Variants in HPSE2 observed in about 807,000 individuals in gnomAD.
HPSE2 encodes the protein inactive heparanase-2.
HPSE2 carries 38 observed loss-of-function variants against 60.5 expected under a neutral mutation model. The observed-to-expected ratio is 0.63, with a 90% CI of 0.48 to 0.82. The LOEUF (loss-of-function observed/expected upper bound fraction) is 0.82. Among genes scored for constraint, HPSE2 ranks in the 40% least tolerant of loss-of-function variants. The probability of loss-of-function intolerance (pLI) is 0.00; values close to 1 mark genes in which losing one functional copy is unlikely to be tolerated. For synonymous variants in HPSE2, 295 were observed against 293.2 expected, an observed-to-expected ratio of 1.01 and a Z score of -0.06; for missense variants, 713 against 740.4, an observed-to-expected ratio of 0.96 and a Z score of 0.43.
chr10:99,010,518 G>T (rs968755869), intron 3 of HPSE2, among the ~76,000 whole-genome samples: 1 of 152,170 alleles, frequency 6.6e-6, no homozygotes, highest in Non-Finnish European at 1.5e-5. Flanking sequence ...ATAAAGATAA[G>T]AACTTGTTTT....
rs923064058 is a variant in HPSE2, at chr10:98,700,255, T to C, written c.957-6308A>G. ...CTGACTTCAAACTATACTACAAGGCTACAGTAACCAAAACAGCATGGTACT... is the reference window on the plus strand; with the variant it reads ...CTGACTTCAAACTATACTACAAGGCCACAGTAACCAAAACAGCATGGTACT... On this transcript the variant is annotated intron_variant, in intron 5 of 11. Transcript: ENST00000370552. Among the ~76,000 whole-genome samples the C allele has an allele frequency of 3.4e-5, 5 of 147,884 alleles. No individual in the cohort carries two copies. The Admixed American group carries it at 3.4e-4, about 10-fold the overall frequency.
At chr10:98,495,089 A>G (rs1390916598) in intron 9 of HPSE2, among the ~76,000 whole-genome samples, 1 of 152,082 alleles carries the variant, frequency 6.6e-6, no homozygotes, top group East Asian at 1.9e-4. Context: ...AAAATCTCTC[A>G]GCTTTTCTTT....
At chr10:98,618,721 C>T (rs562467815) in intron 8 of HPSE2, among the ~76,000 whole-genome samples, 16 of 152,150 alleles carry the variant, frequency 1.1e-4, no homozygotes, top group African/African-American at 1.9e-4. Context: ...GGACTACAGG[C>T]GCATGCCACC....
chr10:98,582,949 G>A (rs1012037695), intron 9 of HPSE2, among the ~76,000 whole-genome samples: 3 of 151,906 alleles, frequency 2.0e-5, no homozygotes, highest in African/African-American at 7.3e-5. Context: ...GCAATCCCTG[G>A]CCCCAGGTAA....
At chr10:99,311,084 T>C in the HPSE2 span, among the ~76,000 whole-genome samples, 1 of 152,188 alleles carries the variant, frequency 6.6e-6, no homozygotes, top group African/African-American at 2.4e-5. Flanking sequence ...AATTCTCTGA[T>C]ACAAAAAAGT....
At chr10:99,057,212 T>G (rs1157603543) in intron 3 of HPSE2, among the ~76,000 whole-genome samples, 2 of 152,204 alleles carry the variant, frequency 1.3e-5, no homozygotes, top group African/African-American at 4.8e-5. Flanking sequence ...TTACTTCAAT[T>G]TTTTAAAGTT....
Position 98,649,972 on chromosome 10 carries a change from C to T in HPSE2, c.1005-8032G>A, listed in dbSNP as rs369561948. ...CAGGGTAAAGATAGTTTACTGACTA[C>T]CAAAATTTGAGCTTCCCTTCCATAG... On this transcript the variant is annotated intron_variant, in intron 6 of 11. Transcript: ENST00000370552. Among the ~76,000 whole-genome samples the T allele has an allele frequency of 7.6e-4, 116 of 152,304 alleles. 2 individuals are homozygous for T. The South Asian group carries it at 0.024, about 31-fold the overall frequency.
At chr10:99,153,765 G>A (rs1251096859) in intron 2 of HPSE2, among the ~76,000 whole-genome samples, 2 of 152,112 alleles carry the variant, frequency 1.3e-5, no homozygotes, top group East Asian at 1.9e-4. Context: ...TGACTTTGAC[G>A]AGCTGAGAGA....
At chr10:98,974,934 C>T (rs1183587280) in intron 3 of HPSE2, among the ~76,000 whole-genome samples, 1 of 152,070 alleles carries the variant, frequency 6.6e-6, no homozygotes, top group Admixed American at 6.6e-5. Context: ...AATGCTATTA[C>T]TTTTATTATT....
rs576143051 is a variant in HPSE2 at position 98,600,911 on chromosome 10, G to GTATATATGTGTGTGTGTATATA, written c.1320+13992_1320+13993insTATATACACACACACATATATA. 7.5e-3 allele frequency among the ~76,000 whole-genome samples: 552 copies of GTATATATGTGTGTGTGTATATA among 73,620 alleles called. 5 individuals are homozygous for GTATATATGTGTGTGTGTATATA. The highest frequency in any genetic ancestry group is 0.023 in the East Asian group (57 of 2,456). The allele number at this position is 73,620 out of a possible 152,430, so 48.3% of individuals were successfully genotyped here. Reference sequence around the variant, plus strand: ...TATATACGTATATATATGTGTGTGTGTATATATATATATATATATATATAT... The same window carrying GTATATATGTGTGTGTGTATATA: ...TATATACGTATATATATGTGTGTGTGTATATATGTGTGTGTGTATATATATATATATATATATATATATATAT... On this transcript the variant is annotated intron_variant, in intron 9 of 11. Coordinates refer to ENST00000370552, the MANE Select transcript of HPSE2 (RefSeq NM_021828.5).
chr10:99,005,032 C>T (rs1259342967), intron 3 of HPSE2, among the ~76,000 whole-genome samples: 2 of 152,168 alleles, frequency 1.3e-5, no homozygotes, highest in Non-Finnish European at 2.9e-5. Context: ...TTGGAACTCC[C>T]TTATATGTGA....
intron 2 of HPSE2, among the ~76,000 whole-genome samples, chr10:99,194,765 G>C (rs1032000794): frequency 6.6e-6 from 1 of 151,772 alleles, no homozygotes; most frequent in Non-Finnish European, 1.5e-5. Flanking sequence ...TTCCAGCAAA[G>C]AAAAGCCCAG....
rs530068444 is a variant in HPSE2 at position 98,696,829 on chromosome 10, T to G, written c.957-2882A>C. On this transcript the variant is annotated intron_variant, in intron 5 of 11. Coordinates refer to ENST00000370552, the MANE Select transcript of HPSE2 (RefSeq NM_021828.5). ...GGCAGCCATCTCTACAACTCCAGGCTGTGCTTTTCCCCTGCTGGAGCCATG... is the reference window on the plus strand; with the variant it reads ...GGCAGCCATCTCTACAACTCCAGGCGGTGCTTTTCCCCTGCTGGAGCCATG... Among the ~76,000 whole-genome samples the G allele has an allele frequency of 5.3e-5, 8 of 152,298 alleles. No homozygotes were observed. In the East Asian group the frequency reaches 1.5e-3, roughly 29 times the overall value.
intron 3 of HPSE2, among the ~76,000 whole-genome samples, chr10:98,794,852 C>CA (rs1381950310): frequency 1.3e-5 from 2 of 151,130 alleles, no homozygotes; most frequent in South Asian, 2.1e-4. Context: ...TAAACGATTG[C>CA]AAAAATATAA....
chr10:99,237,841 G>A (rs1849899695), upstream of HPSE2, among the ~76,000 whole-genome samples: 1 of 152,146 alleles, frequency 6.6e-6, no homozygotes, highest in South Asian at 2.1e-4. Context: ...CAGCCTGGCG[G>A]GCAAACACTT....
chr10:99,070,016 G>C (rs1024033232), intron 3 of HPSE2, among the ~76,000 whole-genome samples: 11 of 152,126 alleles, frequency 7.2e-5, no homozygotes, highest in Non-Finnish European at 1.5e-4. Context: ...CTGTTGTCCA[G>C]AGCAATTTAG....
intron 3 of HPSE2, among the ~76,000 whole-genome samples, chr10:99,028,110 T>C (rs977712603): frequency 1.3e-5 from 2 of 152,130 alleles, no homozygotes; most frequent in African/African-American, 4.8e-5. Context: ...ATAACCACTG[T>C]CACCACTGTT....
At position 98,709,160 on chromosome 10, in the gene HPSE2, C is replaced by T. The variant is rs529250335; in HGVS notation, c.956+12497G>A. Among the ~76,000 whole-genome samples, 4 of 152,202 alleles carry T rather than the reference C, an allele frequency of 2.6e-5. No individual in the cohort carries two copies. The South Asian group carries it at 8.3e-4, about 32-fold the overall frequency. On this transcript the variant is annotated intron_variant, in intron 5 of 11. Transcript: ENST00000370552. ...TCTGCCTGTTTCTCGGAAACTGGCC[C>T]AAACCACATAAATGAACAACTTCAA... is the stretch of plus-strand genomic sequence containing the variant.
chr10:98,874,769 T>C (rs1254112189), intron 3 of HPSE2, among the ~76,000 whole-genome samples: 1 of 152,078 alleles, frequency 6.6e-6, no homozygotes, highest in African/African-American at 2.4e-5. Context: ...GCTCTTATTA[T>C]TTTGAGGTAT....
Sources: allele counts gnomAD v4.1 joint callset (sites outside exome capture counted in the v4.1 genomes callset), GRCh38; gene constraint gnomAD v4.1.1; transcripts MANE v1.5; gene names NCBI Gene and HGNC (gene_info 2026-07-23, HGNC 2026-07-21).